BCL11A: variants seen among roughly 807,000 people sequenced by gnomAD.
BCL11A encodes the protein B cell CLL/lymphoma 11A.
In BCL11A, 2 loss-of-function variants were observed where a neutral mutation model predicts 55.9. That is an observed-to-expected ratio of 0.04 (90% CI 0.01 to 0.11). The LOEUF (loss-of-function observed/expected upper bound fraction) is 0.11. Ranked by LOEUF, BCL11A falls within the 10% of genes least tolerant of loss-of-function variation. The probability of loss-of-function intolerance (pLI) is 1.00; values close to 1 mark genes in which losing one functional copy is unlikely to be tolerated. For synonymous variants in BCL11A, 465 were observed against 473.4 expected (o/e 0.98, Z 0.23); for missense variants, 817 against 1,137.1 (o/e 0.72, Z 4.05).
chr2:60,527,708 A>C (rs1669267604), intron 2 of BCL11A: 1 of 151,550 alleles, frequency 6.6e-6, no homozygotes, highest in African/African-American at 2.4e-5. Flanking sequence ...CAACTCTTCC[A>C]CTCCTCCCAC....
At chr2:60,534,931 T>G (rs1279067677) in intron 2 of BCL11A, 1 of 152,234 alleles carries the variant, frequency 6.6e-6, no homozygotes, top group Non-Finnish European at 1.5e-5. Context: ...CTGCTTTAAT[T>G]TTTTTACATC....
At chr2:60,543,483 G>C (rs574748338) in intron 2 of BCL11A, 1 of 152,134 alleles carries the variant, frequency 6.6e-6, no homozygotes, top group Non-Finnish European at 1.5e-5. Context: ...ACGTGCTTTA[G>C]AGAAATGGGC....
chr2:60,459,387 T>TA lies in BCL11A; in HGVS notation c.*1016dup, dbSNP rs752558603. 697 of 1,019,760 alleles carry TA rather than the reference T, an allele frequency of 6.8e-4. No individual in the cohort carries two copies. Among genetic ancestry groups the TA allele is most frequent in the Admixed American group, 9.3e-4 (16 of 17,150 alleles). 63.2% of individuals were successfully genotyped at this position (1,019,760 alleles called of 1,614,324 possible). On this transcript the variant is annotated 3_prime_UTR_variant, in exon 4 of 4. Transcript: ENST00000642384. ...TTACACATTCAATTTAATCATTGTT[T>TA]AAAAAAAATAAAACTTTGGGCAAAA...
intron 2 of BCL11A, among the ~76,000 whole-genome samples, chr2:60,523,524 C>A (rs556749885): frequency 1.3e-5 from 2 of 152,142 alleles, no homozygotes; most frequent in South Asian, 4.1e-4. Context: ...CACAGGCACA[C>A]AACTATATAT....
At position 60,546,291 on chromosome 2, in the gene BCL11A, A is replaced by G. The variant is rs766722791; in HGVS notation, c.65T>C (p.Leu22Pro). 1.9e-5 allele frequency: 30 copies of G among 1,612,876 alleles called. No homozygotes were observed. Among genetic ancestry groups the G allele is most frequent in the Admixed American group, 3.3e-5 (2 of 59,950 alleles). ...TTCATCATCTGTAAGAATGGCTTCAAGAGGCTCGGCTGTGGTTGGAGAAAC... is the reference window on the plus strand; with the variant it reads ...TTCATCATCTGTAAGAATGGCTTCAGGAGGCTCGGCTGTGGTTGGAGAAAC... The part of the protein sequence containing the change: ...LSKREFSPEP[L>P]EAILTDDEPD... Residue 22 changes from leucine to proline, a missense_variant, in exon 2 of 4, where the codon CTT becomes CCT. Physicochemically the swap from Leu to Pro is moderately conservative, Grantham distance 98 (BLOSUM62 -3). Around this residue, in one of 4 missense-constraint regions of BCL11A, gnomAD observed 363 missense variants for 486.6 expected, o/e 0.75. Transcript: ENST00000642384. The surrounding 1 kb of genome is among the most constrained non-coding windows in gnomAD (Gnocchi z 4.1).
intron 2 of BCL11A, among the ~76,000 whole-genome samples, chr2:60,476,813 C>G (rs1268614637): frequency 1.3e-5 from 2 of 152,158 alleles, no homozygotes. Flanking sequence ...TAAAGAAACC[C>G]TGTGGTGAAA....
chr2:60,502,363 G>A (rs939290073), intron 2 of BCL11A, among the ~76,000 whole-genome samples: 25 of 152,140 alleles, frequency 1.6e-4, no homozygotes, highest in Admixed American at 1.4e-3. Flanking sequence ...GTGAGCAAAC[G>A]GAAAAATAAA....
intron 2 of BCL11A, among the ~76,000 whole-genome samples, chr2:60,476,682 G>C (rs576410456): frequency 1.3e-5 from 2 of 152,206 alleles, no homozygotes; most frequent in Non-Finnish European, 2.9e-5. Context: ...AAAATTGGCA[G>C]GGCTTCTAAC....
At chr2:60,487,214 A>AT (rs896491566) in intron 2 of BCL11A, among the ~76,000 whole-genome samples, 5 of 152,226 alleles carry the variant, frequency 3.3e-5, no homozygotes, top group African/African-American at 1.2e-4. Context: ...AAAGAGTAAG[A>AT]TAATTTGATA....
chr2:60,519,621 C>T (rs1395000692), intron 2 of BCL11A, among the ~76,000 whole-genome samples: 2 of 152,160 alleles, frequency 1.3e-5, no homozygotes, highest in Non-Finnish European at 2.9e-5. Flanking sequence ...TGAAATCTGA[C>T]GTGCTTTGCA....
At chr2:60,453,989 G>C (rs1315606682), downstream of BCL11A, among the ~76,000 whole-genome samples, 2 of 152,116 alleles carry the variant, frequency 1.3e-5, no homozygotes, top group Non-Finnish European at 2.9e-5. Flanking sequence ...ATTTGGAAGG[G>C]AGGAATTAAT....
chr2:60,549,554 A>T (rs1176219058), intron 1 of BCL11A, among the ~76,000 whole-genome samples: 2 of 152,214 alleles, frequency 1.3e-5, no homozygotes, highest in Non-Finnish European at 2.9e-5. Context: ...CAAAGCGAGC[A>T]GCGTGCTGGC....
intron 2 of BCL11A, chr2:60,537,966 A>G (rs753374531): frequency 3.3e-5 from 5 of 152,222 alleles, no homozygotes; most frequent in Non-Finnish European, 5.9e-5. Context: ...GGCAATGCTA[A>G]CAACAGTGAG....
intron 2 of BCL11A, among the ~76,000 whole-genome samples, chr2:60,479,102 G>T (rs1442232660): frequency 6.6e-6 from 1 of 152,130 alleles, no homozygotes; most frequent in Non-Finnish European, 1.5e-5. Context: ...CATTGGAGCA[G>T]CCTCAGTCCA....
chr2:60,467,315 A>G (rs796404606), intron 3 of BCL11A, among the ~76,000 whole-genome samples: 41 of 25,472 alleles, frequency 1.6e-3, no homozygotes, highest in East Asian at 5.4e-3. Context: ...GGTGGTGGTG[A>G]TGGTGGTGGT....
At chr2:60,552,525 C>T (rs1252071525) in intron 1 of BCL11A, among the ~76,000 whole-genome samples, 2 of 152,218 alleles carry the variant, frequency 1.3e-5, no homozygotes, top group Non-Finnish European at 2.9e-5. Flanking sequence ...GGCGGCAGTG[C>T]CGGCCGCGTC....
chr2:60,499,501 G>A (rs907703587), intron 2 of BCL11A, among the ~76,000 whole-genome samples: 4 of 152,162 alleles, frequency 2.6e-5, no homozygotes, highest in Non-Finnish European at 5.9e-5. Context: ...CTTGTCCGGG[G>A]CCACCTAGCC....
At chr2:60,497,986 G>A (rs1679049669) in intron 2 of BCL11A, among the ~76,000 whole-genome samples, 1 of 152,048 alleles carries the variant, frequency 6.6e-6, no homozygotes, top group African/African-American at 2.4e-5. Flanking sequence ...TGCAGAGATT[G>A]CTATGCACAA....
intron 2 of BCL11A, among the ~76,000 whole-genome samples, chr2:60,538,756 T>C (rs1431849983): frequency 6.6e-6 from 1 of 151,032 alleles, no homozygotes; most frequent in Non-Finnish European, 1.5e-5. Context: ...TGTGTGTGTG[T>C]GTGTGTGTGT....
Sources: allele counts gnomAD v4.1 joint callset (sites outside exome capture counted in the v4.1 genomes callset), GRCh38; gene constraint gnomAD v4.1.1; regional missense constraint gnomAD v4.1.1; non-coding constraint Gnocchi (gnomAD v3.1); transcripts MANE v1.5; gene names NCBI Gene and HGNC (gene_info 2026-07-23, HGNC 2026-07-21).